Variants in CNTNAP2 observed in about 807,000 individuals in gnomAD.
The protein encoded by CNTNAP2 is contactin-associated protein-like 2.
A neutral mutation model predicts 155.2 loss-of-function variants in CNTNAP2; 98 were observed. The observed-to-expected ratio is 0.63, with a 90% confidence interval of 0.54 to 0.75. The LOEUF (loss-of-function observed/expected upper bound fraction) is 0.75. Among genes scored for constraint, CNTNAP2 ranks in the 30% least tolerant of loss-of-function variants. The pLI is 0.00. For missense variants in CNTNAP2, 1,727 were observed against 1,688.1 expected, an observed-to-expected ratio of 1.02 and a Z score of -0.40; for synonymous variants, 651 against 631.2, an observed-to-expected ratio of 1.03 and a Z score of -0.47.
At chr7:148,123,612 AG>A (rs1428915457) in intron 16 of CNTNAP2, among the ~76,000 whole-genome samples, 1 of 149,178 alleles carries the variant, frequency 6.7e-6, no homozygotes, top group Non-Finnish European at 1.5e-5. Context: ...GAGAGAAGGA[AG>A]GGAGACAAGG....
intron 14 of CNTNAP2, among the ~76,000 whole-genome samples, chr7:147,961,048 G>A (rs1013717123): frequency 4.6e-5 from 7 of 151,976 alleles, no homozygotes; most frequent in African/African-American, 1.7e-4. Flanking sequence ...TTTGTAAAAC[G>A]CCTTCTGAAT....
intron 9 of CNTNAP2, among the ~76,000 whole-genome samples, chr7:147,309,069 G>A (rs548573051): frequency 1.1e-4 from 17 of 152,178 alleles, no homozygotes; most frequent in African/African-American, 4.1e-4. Flanking sequence ...CCACCTAACT[G>A]TAATCTTTTC....
At chr7:147,189,967 A>G (rs1366654885) in intron 8 of CNTNAP2, among the ~76,000 whole-genome samples, 4 of 152,064 alleles carry the variant, frequency 2.6e-5, no homozygotes, top group Non-Finnish European at 4.4e-5. Flanking sequence ...GATGATCTCC[A>G]TCTCTTGACC....
chr7:147,591,804 C>G (rs1184794238), intron 12 of CNTNAP2, among the ~76,000 whole-genome samples: 1 of 152,150 alleles, frequency 6.6e-6, no homozygotes, highest in African/African-American at 2.4e-5. Flanking sequence ...ATCTGCATCC[C>G]TGTTCTTCCT....
chr7:146,509,165 A>G (rs1431916269), intron 1 of CNTNAP2, among the ~76,000 whole-genome samples: 1 of 152,144 alleles, frequency 6.6e-6, no homozygotes, highest in Non-Finnish European at 1.5e-5. Context: ...CATCTCCTGA[A>G]TTACCTGCAC....
chr7:148,028,049 T>C (rs946019646), intron 15 of CNTNAP2, among the ~76,000 whole-genome samples: 4 of 152,210 alleles, frequency 2.6e-5, no homozygotes, highest in African/African-American at 9.7e-5. Flanking sequence ...ATAAACATTC[T>C]CTTAACCTTA....
At chr7:147,288,538 G>A (rs1489821708) in intron 8 of CNTNAP2, among the ~76,000 whole-genome samples, 1 of 152,146 alleles carries the variant, frequency 6.6e-6, no homozygotes, top group East Asian at 1.9e-4. Context: ...AATCACCCCA[G>A]TCATAAGAAA....
chr7:147,587,026 C>T lies in CNTNAP2; in HGVS notation c.1897+24769C>T, dbSNP rs1401760759. ...AATTGAGTAGATACTGGCAACCTAACAAACCACGAGAATTTGGACAGAGGC... is the reference window on the plus strand; with the variant it reads ...AATTGAGTAGATACTGGCAACCTAATAAACCACGAGAATTTGGACAGAGGC... On this transcript the variant is annotated intron_variant, in intron 12 of 23. Coordinates refer to ENST00000361727, the MANE Select transcript of CNTNAP2 (RefSeq NM_014141.6). 2.0e-5 allele frequency among the ~76,000 whole-genome samples: 3 copies of T among 152,222 alleles called. No homozygotes were observed. The South Asian group carries it at 6.2e-4, about 32-fold the overall frequency.
At chr7:146,421,855 A>G (rs1161503776) in intron 1 of CNTNAP2, among the ~76,000 whole-genome samples, 1 of 151,626 alleles carries the variant, frequency 6.6e-6, no homozygotes, top group African/African-American at 2.4e-5. Flanking sequence ...CCAATTATAT[A>G]CTCATATACA....
chr7:147,382,641 A>G (rs1796554728), intron 9 of CNTNAP2, among the ~76,000 whole-genome samples: 1 of 152,130 alleles, frequency 6.6e-6, no homozygotes, highest in African/African-American at 2.4e-5. Flanking sequence ...AGATATGATT[A>G]GAGACATCCT....
At chr7:146,352,742 A>G (rs1794933544) in intron 1 of CNTNAP2, among the ~76,000 whole-genome samples, 1 of 99,706 alleles carries the variant, frequency 1.0e-5, no homozygotes, top group African/African-American at 4.7e-5. Flanking sequence ...TTCAATTAGC[A>G]TAATTCTGTT....
intron 1 of CNTNAP2, among the ~76,000 whole-genome samples, chr7:146,644,223 G>C (rs1799768624): frequency 6.6e-6 from 1 of 152,146 alleles, no homozygotes; most frequent in Admixed American, 6.5e-5. Flanking sequence ...GGGCATCCCT[G>C]TCTTGTGCCC....
chr7:148,121,581 A>C (rs1320074162), intron 16 of CNTNAP2, among the ~76,000 whole-genome samples: 2 of 151,844 alleles, frequency 1.3e-5, no homozygotes, highest in African/African-American at 4.8e-5. Flanking sequence ...AGGAATTCAC[A>C]TTTTTTTTCT....
intron 8 of CNTNAP2, among the ~76,000 whole-genome samples, chr7:147,238,807 A>T (rs1445603066): frequency 6.6e-6 from 1 of 152,212 alleles, no homozygotes; most frequent in African/African-American, 2.4e-5. Context: ...CAGATTCAGC[A>T]ATTAATTTCC....
intron 21 of CNTNAP2, among the ~76,000 whole-genome samples, chr7:148,328,746 G>T (rs1291914460): frequency 6.7e-6 from 1 of 148,860 alleles, no homozygotes; most frequent in East Asian, 2.0e-4. Flanking sequence ...GAGGCGGGTG[G>T]ATCACAAGTT....
intron 13 of CNTNAP2, among the ~76,000 whole-genome samples, chr7:147,818,619 C>T (rs938128615): frequency 6.6e-5 from 10 of 152,140 alleles, no homozygotes; most frequent in Non-Finnish European, 1.2e-4. Flanking sequence ...CAATGAGAGA[C>T]GTTTCCCCTA....
chr7:147,822,247 G>T (rs764763624), intron 13 of CNTNAP2, among the ~76,000 whole-genome samples: 26 of 152,232 alleles, frequency 1.7e-4, no homozygotes, highest in Admixed American at 4.6e-4. Flanking sequence ...AAGAAGTGAA[G>T]AAAGAAGATT....
At chr7:146,617,056 G>A (rs1799238531) in intron 1 of CNTNAP2, among the ~76,000 whole-genome samples, 1 of 151,884 alleles carries the variant, frequency 6.6e-6, no homozygotes, top group Non-Finnish European at 1.5e-5. Flanking sequence ...GTCTCGCTCT[G>A]TCGCCCAGGC....
intron 14 of CNTNAP2, among the ~76,000 whole-genome samples, chr7:147,907,060 TA>T (rs1202880566): frequency 6.6e-6 from 1 of 152,026 alleles, no homozygotes; most frequent in Non-Finnish European, 1.5e-5. Context: ...GTATAATGAA[TA>T]TTTTTTTTTT....
Sources: gnomAD v4.1 joint callset for allele counts (sites outside exome capture counted in the v4.1 genomes callset) on GRCh38, gnomAD v4.1.1 for gene constraint, MANE v1.5 for transcripts, NCBI Gene and HGNC (gene_info 2026-07-23, HGNC 2026-07-21) for gene names.